TSHZ3: variants seen among roughly 807,000 people sequenced by gnomAD.
The protein encoded by TSHZ3 is teashirt zinc finger homeobox 3.
A neutral mutation model predicts 64.5 loss-of-function variants in TSHZ3; 10 were observed. That is an observed-to-expected ratio of 0.16 (90% CI 0.10 to 0.26). The LOEUF (loss-of-function observed/expected upper bound fraction) is 0.26, where lower values mean the gene tolerates loss of function less well. Ranked by LOEUF, TSHZ3 falls within the 10% of genes least tolerant of loss-of-function variation. The pLI is 1.00. For synonymous variants in TSHZ3, 608 were observed against 593.1 expected, an observed-to-expected ratio of 1.03 and a Z score of -0.36; for missense variants, 1,242 against 1,421.7, an observed-to-expected ratio of 0.87 and a Z score of 2.03.
intron 5 of TSHZ3, among the ~76,000 whole-genome samples, chr19:31,198,963 T>C (rs890693551): frequency 3.3e-5 from 5 of 152,154 alleles, no homozygotes; most frequent in Non-Finnish European, 5.9e-5. Flanking sequence ...AGGCCCACAA[T>C]AGCCAACATA....
At chr19:31,197,698 C>A (rs1341030755) in intron 5 of TSHZ3, among the ~76,000 whole-genome samples, 1 of 151,740 alleles carries the variant, frequency 6.6e-6, no homozygotes, top group Non-Finnish European at 1.5e-5. Flanking sequence ...AAATTGGTAA[C>A]TTAGATTAAG....
At chr19:31,202,580 C>T (rs1975103819) in intron 5 of TSHZ3, among the ~76,000 whole-genome samples, 1 of 152,078 alleles carries the variant, frequency 6.6e-6, no homozygotes, top group Admixed American at 6.5e-5. Flanking sequence ...GTAGTTAGAT[C>T]ACTTCCAATT....
At chr19:31,206,128 GATAAA>G (rs1383464732) in intron 4 of TSHZ3, among the ~76,000 whole-genome samples, 1 of 128,968 alleles carries the variant, frequency 7.8e-6, no homozygotes, top group Non-Finnish European at 1.7e-5. Context: ...TGGATGGATG[GATAAA>G]TGAATGGATG....
At chr19:31,329,903 GT>G (rs199731389) in intron 1 of TSHZ3, among the ~76,000 whole-genome samples, 1 of 152,020 alleles carries the variant, frequency 6.6e-6, no homozygotes, top group African/African-American at 2.4e-5. Flanking sequence ...ATTGTTGTGT[GT>G]TTTTTTTCCA....
At chr19:31,156,009 A>G (rs1214948192) in intron 6 of TSHZ3, among the ~76,000 whole-genome samples, 1 of 152,184 alleles carries the variant, frequency 6.6e-6, no homozygotes, top group Non-Finnish European at 1.5e-5. Context: ...ATTGTTGTTA[A>G]CCAATCTGGC....
At chr19:31,255,746 T>G (rs548576680) in intron 1 of TSHZ3, among the ~76,000 whole-genome samples, 1 of 152,280 alleles carries the variant, frequency 6.6e-6, no homozygotes, top group Non-Finnish European at 1.5e-5. Flanking sequence ...TGTATCCTTC[T>G]CTGCAGGGAA....
intron 1 of TSHZ3, among the ~76,000 whole-genome samples, chr19:31,267,647 A>AT (rs34072601): frequency 0.014 from 2,022 of 148,870 alleles, 42 homozygotes; most frequent in African/African-American, 0.047. Flanking sequence ...GAATAAGCCC[A>AT]TTTTTTTTTT....
chr19:31,307,300 G>A lies in TSHZ3; in HGVS notation c.41-27548C>T, dbSNP rs552950239. ...ACCCCTTCATTTTTTTTTTCCATCT[G>A]CTTAGTGCTCCCCCTCCCCATGTTC... On this transcript the variant is annotated intron_variant, in intron 1 of 1. Coordinates refer to ENST00000240587, the MANE Select transcript of TSHZ3 (RefSeq NM_020856.4). 9.9e-5 allele frequency among the ~76,000 whole-genome samples: 15 copies of A among 151,388 alleles called. No homozygotes were observed. The East Asian group carries it at 2.5e-3, about 25-fold the overall frequency.
At chr19:31,350,673 G>A (rs893001376), upstream of TSHZ3, among the ~76,000 whole-genome samples, 2 of 151,604 alleles carry the variant, frequency 1.3e-5, no homozygotes, top group South Asian at 2.1e-4. Flanking sequence ...CGGCAAGAAG[G>A]AGCTGGCTGG....
Position 31,297,096 on chromosome 19 carries a change from G to T in TSHZ3, c.41-17344C>A, listed in dbSNP as rs565329780. 1.1e-4 allele frequency among the ~76,000 whole-genome samples: 17 copies of T among 152,326 alleles called. No homozygotes were observed. The South Asian group carries it at 3.5e-3, about 32-fold the overall frequency. On this transcript the variant is annotated intron_variant, in intron 1 of 1. Coordinates refer to ENST00000240587, the MANE Select transcript of TSHZ3 (RefSeq NM_020856.4). ...AGGGGGCATAGCACCCCTAACCACA[G>T]GCAGGGTCTTGTCCCCCATTGTGGG...
chr19:31,300,954 T>G lies in TSHZ3; in HGVS notation c.41-21202A>C, dbSNP rs140487740. Among the ~76,000 whole-genome samples the G allele has an allele frequency of 1.2e-4, 18 of 152,240 alleles. No individual in the cohort carries two copies. In the East Asian group the frequency reaches 3.5e-3, roughly 29 times the overall value. On this transcript the variant is annotated intron_variant, in intron 1 of 1. Transcript: ENST00000240587. ...ATGTAAGATTATGCAAAAACACCGT[T>G]GAGAACACTGCTAATCATCTGCTTG...
At chr19:31,308,103 A>G (rs1022602352) in intron 1 of TSHZ3, among the ~76,000 whole-genome samples, 3 of 151,994 alleles carry the variant, frequency 2.0e-5, no homozygotes, top group Admixed American at 6.6e-5. Context: ...CTCCATTTCA[A>G]GTTGAAAATA....
rs764776359 is a variant in TSHZ3, at chr19:31,277,458, G to C, written c.2335C>G (p.Arg779Gly). 5 of 1,613,758 alleles carry C rather than the reference G, an allele frequency of 3.1e-6. No individual in the cohort carries two copies. In the African/African-American group the frequency reaches 4.0e-5, roughly 13 times the overall value. The change falls in exon 2 of 2, where the codon CGC becomes GGC. Residue 779 changes from arginine to glycine, a missense_variant. Transcript: ENST00000240587. The surrounding 1 kb of genome is among the most constrained non-coding windows in gnomAD (Gnocchi z 4.5). ...LQSKKADHLD[R>G]YFYHVNNDQP... ...TCGTTGTTGACGTGGTAGAAATAGC[G>C]GTCGAGGTGGTCTGCCTTCTTGGAC...
chr19:31,332,233 T>C lies in TSHZ3; in HGVS notation c.40+16947A>G, dbSNP rs138330748. ...TTATTACATCTGGAATTTCATGATA[T>C]GTTTAGTAATTGATTACAGAGACAC... On this transcript the variant is annotated intron_variant, in intron 1 of 1. Transcript: ENST00000240587. Among the ~76,000 whole-genome samples the C allele has an allele frequency of 1.2e-3, 189 of 152,322 alleles. 1 individual carries two copies. Among genetic ancestry groups the C allele is most frequent in the African/African-American group, 4.3e-3 (179 of 41,564 alleles).
intron 5 of TSHZ3, among the ~76,000 whole-genome samples, chr19:31,162,551 T>C (rs2145104748): frequency 6.6e-6 from 1 of 152,274 alleles, no homozygotes; most frequent in Non-Finnish European, 1.5e-5. Context: ...GTCTTGCCTC[T>C]CTTTCCTTTT....
Position 31,246,746 on chromosome 19 carries a change from G to A in TSHZ3, n.64-3871C>T, listed in dbSNP as rs555368716. ...CAACGAGCATACTTAGCATGGAGGC[G>A]TTTCTTTCTATGTCATTCTCCTCTA... is the stretch of plus-strand genomic sequence containing the variant. On this transcript the variant is annotated intron_variant and non_coding_transcript_variant, in intron 1 of 6. Transcript: ENST00000651361. Among the ~76,000 whole-genome samples the A allele has an allele frequency of 6.4e-4, 97 of 152,212 alleles. No individual in the cohort carries two copies. The South Asian group carries it at 0.016, about 26-fold the overall frequency.
intron 1 of TSHZ3, among the ~76,000 whole-genome samples, chr19:31,282,533 C>T (rs1015049028): frequency 6.6e-6 from 1 of 152,148 alleles, no homozygotes; most frequent in African/African-American, 2.4e-5. Context: ...GGCAATGCAT[C>T]TCCCCATGGC....
intron 1 of TSHZ3, among the ~76,000 whole-genome samples, chr19:31,334,277 T>G (rs1917179227): frequency 6.6e-6 from 1 of 152,178 alleles, no homozygotes; most frequent in Non-Finnish European, 1.5e-5. Flanking sequence ...AACTAATATA[T>G]GTGAAAGAGC....
At chr19:31,191,884 A>G (rs1178514085) in intron 5 of TSHZ3, among the ~76,000 whole-genome samples, 2 of 152,180 alleles carry the variant, frequency 1.3e-5, no homozygotes, top group East Asian at 3.9e-4. Flanking sequence ...GATAAATTTT[A>G]TTTAAAAAAT....
Sources: allele counts gnomAD v4.1 joint callset (sites outside exome capture counted in the v4.1 genomes callset), GRCh38; gene constraint gnomAD v4.1.1; non-coding constraint Gnocchi (gnomAD v3.1); transcripts MANE v1.5; gene names NCBI Gene and HGNC (gene_info 2026-07-23, HGNC 2026-07-21).